The following ADGRL2 variants were observed in gnomAD, a reference collection of about 807,000 sequenced individuals.
ADGRL2 encodes the protein adhesion G protein-coupled receptor L2.
Under a neutral mutation model 157.4 loss-of-function variants are expected in ADGRL2, and 44 were observed. That is an observed-to-expected ratio of 0.28 (90% CI 0.22 to 0.36). The LOEUF is 0.36. ADGRL2 is among the 10% of genes least tolerant of loss of function. The probability of loss-of-function intolerance (pLI) is 1.00; values close to 1 mark genes in which losing one functional copy is unlikely to be tolerated. For synonymous variants in ADGRL2, 585 were observed against 624.7 expected, an observed-to-expected ratio of 0.94 and a Z score of 0.95; for missense variants, 1,510 against 1,768.9, an observed-to-expected ratio of 0.85 and a Z score of 2.63.
intron 3 of ADGRL2, among the ~76,000 whole-genome samples, chr1:81,601,927 CA>C (rs2081339903): frequency 6.6e-6 from 1 of 152,128 alleles, no homozygotes; most frequent in South Asian, 2.1e-4. Flanking sequence ...GAAGGCAGAA[CA>C]GTTCAAGAGA....
chr1:81,474,041 T>G (rs924874906), intron 2 of ADGRL2, among the ~76,000 whole-genome samples: 6 of 151,868 alleles, frequency 4.0e-5, no homozygotes, highest in African/African-American at 1.5e-4. Context: ...AACAAGGAGA[T>G]AGAAGGCAGA....
At chr1:81,566,014 G>A (rs766392563) in intron 2 of ADGRL2, among the ~76,000 whole-genome samples, 13 of 152,202 alleles carry the variant, frequency 8.5e-5, no homozygotes, top group Non-Finnish European at 1.5e-4. Context: ...CAGAAGCAGA[G>A]GAGTAATTTG....
intron 1 of ADGRL2, among the ~76,000 whole-genome samples, chr1:81,312,888 A>C (rs17106388): frequency 0.016 from 2,404 of 152,326 alleles, 71 homozygotes; most frequent in African/African-American, 0.056. Context: ...CAGAGAAAAC[A>C]TAATGAAACA....
At chr1:81,698,085 C>T (rs999709594), upstream of ADGRL2, among the ~76,000 whole-genome samples, 5 of 151,906 alleles carry the variant, frequency 3.3e-5, no homozygotes, top group South Asian at 2.1e-4. Flanking sequence ...AAAGAGGAGA[C>T]GTAGAGAAAA....
chr1:81,394,662 G>A (rs1458150986), intron 1 of ADGRL2, among the ~76,000 whole-genome samples: 3 of 152,098 alleles, frequency 2.0e-5, no homozygotes, highest in Non-Finnish European at 2.9e-5. Flanking sequence ...GAATAGTGCT[G>A]CCACAAACAT....
intron 1 of ADGRL2, among the ~76,000 whole-genome samples, chr1:81,710,550 G>A (rs183767222): frequency 3.3e-5 from 5 of 149,954 alleles, no homozygotes; most frequent in African/African-American, 1.2e-4. Context: ...AATCTGGCAA[G>A]TGGAGGTTGT....
At chr1:81,574,975 G>A (rs770494912) in intron 2 of ADGRL2, among the ~76,000 whole-genome samples, 7 of 152,276 alleles carry the variant, frequency 4.6e-5, no homozygotes, top group African/African-American at 7.2e-5. Context: ...AGAGGCTAGC[G>A]CCTAAATTTC....
intron 1 of ADGRL2, among the ~76,000 whole-genome samples, chr1:81,444,431 A>G (rs1215140451): frequency 6.6e-6 from 1 of 152,162 alleles, no homozygotes; most frequent in Admixed American, 6.5e-5. Flanking sequence ...AGTTGATATT[A>G]ACTCTATAAA....
chr1:81,386,579 CA>C (rs1313677949), intron 1 of ADGRL2, among the ~76,000 whole-genome samples: 2 of 152,036 alleles, frequency 1.3e-5, no homozygotes, highest in Non-Finnish European at 2.9e-5. Flanking sequence ...CCAGGCCTTA[CA>C]AAAGAATATA....
At position 81,822,093 on chromosome 1, in the gene ADGRL2, C is replaced by T. The variant is rs538434223; in HGVS notation, c.-100-14792C>T. 2.3e-4 allele frequency among the ~76,000 whole-genome samples: 26 copies of T among 113,204 alleles called. No homozygotes were observed. The Admixed American group carries it at 2.4e-3, about 11-fold the overall frequency. The allele number at this position is 113,204 out of a possible 152,430, so 74.3% of individuals were successfully genotyped here. A position where few individuals can be genotyped will look rare whatever the true frequency, so the allele number is the denominator to read the frequency against. On this transcript the variant is annotated intron_variant, in intron 1 of 23. Coordinates refer to ENST00000686636, the MANE Select transcript of ADGRL2 (RefSeq NM_001366006.2). ...CCCAGTGTGGAATGTATTAGTTTTT[C>T]GTATAGAGGTGAGATAGCCCACAAT...
At chr1:81,952,633 A>G (rs932804723) in intron 9 of ADGRL2, among the ~76,000 whole-genome samples, 1 of 152,168 alleles carries the variant, frequency 6.6e-6, no homozygotes, top group East Asian at 1.9e-4. Context: ...CTATTATGAC[A>G]AAAGTTGGAT....
intron 3 of ADGRL2, among the ~76,000 whole-genome samples, chr1:81,687,730 T>C (rs2083258434): frequency 6.6e-6 from 1 of 152,152 alleles, no homozygotes; most frequent in Non-Finnish European, 1.5e-5. Context: ...TTTTTGCTTT[T>C]GCTTTTTAGC....
At chr1:81,376,450 T>G (rs561656935) in intron 1 of ADGRL2, among the ~76,000 whole-genome samples, 1 of 152,266 alleles carries the variant, frequency 6.6e-6, no homozygotes, top group African/African-American at 2.4e-5. Context: ...CCAAAGTAAT[T>G]CCACACAATG....
At chr1:81,461,701 T>A (rs2077931967) in intron 2 of ADGRL2, among the ~76,000 whole-genome samples, 1 of 152,176 alleles carries the variant, frequency 6.6e-6, no homozygotes, top group African/African-American at 2.4e-5. Context: ...TGTAAATATG[T>A]TGATACTTTC....
intron 2 of ADGRL2, among the ~76,000 whole-genome samples, chr1:81,906,806 G>A (rs540471511): frequency 4.6e-5 from 7 of 152,174 alleles, no homozygotes; most frequent in Non-Finnish European, 8.8e-5. Context: ...ATTTGTTAGG[G>A]TATTTTGTAA....
intron 1 of ADGRL2, among the ~76,000 whole-genome samples, chr1:81,348,024 G>T (rs1048947549): frequency 6.6e-6 from 1 of 152,154 alleles, no homozygotes; most frequent in African/African-American, 2.4e-5. Context: ...AGGCCCAGAG[G>T]GCAAGGCTAC....
intron 13 of ADGRL2, 33 bp downstream of exon 13, chr1:81,966,642 G>A (rs779458307): frequency 6.3e-7 from 1 of 1,588,764 alleles, no homozygotes; most frequent in South Asian, 1.1e-5. Context: ...AGTAATGGAA[G>A]GTTATAAAAG....
At chr1:81,619,054 T>C (rs143050468) in intron 3 of ADGRL2, among the ~76,000 whole-genome samples, 106 of 152,338 alleles carry the variant, frequency 7.0e-4, no homozygotes, top group African/African-American at 2.4e-3. Context: ...AATCTTGATG[T>C]TTTACTGATA....
intron 1 of ADGRL2, among the ~76,000 whole-genome samples, chr1:81,336,691 T>C (rs1208577388): frequency 6.6e-6 from 1 of 152,082 alleles, no homozygotes; most frequent in Non-Finnish European, 1.5e-5. Flanking sequence ...TGGAAAGAGT[T>C]CATAAACTTT....
Sources: gnomAD v4.1 joint callset for allele counts (sites outside exome capture counted in the v4.1 genomes callset) on GRCh38, gnomAD v4.1.1 for gene constraint, MANE v1.5 for transcripts, NCBI Gene and HGNC (gene_info 2026-07-23, HGNC 2026-07-21) for gene names.